Variants in OPCML observed in about 807,000 individuals in gnomAD.
OPCML encodes the protein opioid-binding protein/cell adhesion molecule.
A neutral mutation model predicts 37.8 loss-of-function variants in OPCML; 13 were observed. The observed-to-expected ratio is 0.34, with a 90% CI of 0.22 to 0.55. The LOEUF (loss-of-function observed/expected upper bound fraction) is 0.55, where lower values mean the gene tolerates loss of function less well. Ranked by LOEUF, OPCML falls within the 20% of genes least tolerant of loss-of-function variation. The pLI is 0.91. For synonymous variants in OPCML, 176 were observed against 168.8 expected, an observed-to-expected ratio of 1.04 and a Z score of -0.33; for missense variants, 341 against 435.6, an observed-to-expected ratio of 0.78 and a Z score of 1.93.
chr11:132,796,139 C>G (rs916077444), intron 2 of OPCML, among the ~76,000 whole-genome samples: 7 of 152,146 alleles, frequency 4.6e-5, no homozygotes, highest in African/African-American at 1.7e-4. Context: ...CATTTTATAT[C>G]AAGAACTTGA....
chr11:132,690,102 C>A (rs1257241425), intron 2 of OPCML, among the ~76,000 whole-genome samples: 1 of 152,080 alleles, frequency 6.6e-6, no homozygotes, highest in East Asian at 1.9e-4. Context: ...AGATCAGGTT[C>A]TTTGTCTTTT....
At chr11:132,784,192 C>T (rs1947127317) in intron 2 of OPCML, among the ~76,000 whole-genome samples, 1 of 152,196 alleles carries the variant, frequency 6.6e-6, no homozygotes, top group Non-Finnish European at 1.5e-5. Context: ...TGTAGGAAGT[C>T]AGACTGCTAC....
chr11:133,328,342 G>A (rs922602654), intron 1 of OPCML, among the ~76,000 whole-genome samples: 8 of 152,038 alleles, frequency 5.3e-5, no homozygotes, highest in African/African-American at 1.9e-4. Flanking sequence ...ATTTTTAGTA[G>A]AGATGGGGTT....
chr11:133,296,430 G>A (rs952061503), intron 1 of OPCML, among the ~76,000 whole-genome samples: 6 of 152,152 alleles, frequency 3.9e-5, no homozygotes, highest in African/African-American at 1.2e-4. Context: ...CATGATTCTG[G>A]AAGCCCGCTC....
chr11:132,994,413 G>A (rs944828418), intron 1 of OPCML, among the ~76,000 whole-genome samples: 1 of 152,234 alleles, frequency 6.6e-6, no homozygotes, highest in Non-Finnish European at 1.5e-5. Context: ...CTGGGGAAAA[G>A]GGGCGGCCTC....
intron 1 of OPCML, among the ~76,000 whole-genome samples, chr11:132,994,053 G>A (rs1330611363): frequency 6.6e-6 from 1 of 152,222 alleles, no homozygotes; most frequent in Non-Finnish European, 1.5e-5. Context: ...CAGTGATTAC[G>A]TTCATCAGGA....
rs556950272 is a variant in OPCML, at chr11:132,600,385, G to A, written c.379+56702C>T. Among the ~76,000 whole-genome samples, 146 of 152,304 alleles carry A rather than the reference G, an allele frequency of 9.6e-4. 3 individuals carry two copies. In the South Asian group the frequency reaches 0.029, roughly 31 times the overall value. On this transcript the variant is annotated intron_variant, in intron 3 of 7. Coordinates refer to ENST00000524381, the MANE Select transcript of OPCML (RefSeq NM_001012393.5). ...ATAGTCTTCACGTAGGCCTAAATAC[G>A]AAGGGACCAAAGGCCAGCATGGGTC... is the stretch of plus-strand genomic sequence containing the variant.
intron 1 of OPCML, among the ~76,000 whole-genome samples, chr11:133,336,566 C>G (rs77755039): frequency 0.016 from 2,385 of 152,182 alleles, 27 homozygotes; most frequent in African/African-American, 0.035. Flanking sequence ...TTAAATGAGA[C>G]AAGAAATAGA....
intron 1 of OPCML, among the ~76,000 whole-genome samples, chr11:133,458,849 A>ACGTGTGTGTGTATATACACATAGATGCC: frequency 6.6e-6 from 1 of 150,640 alleles, no homozygotes; most frequent in Admixed American, 6.6e-5. Context: ...ACATAGATGC[A>ACGTGTGTGTGTATATACACATAGATGCC]CGTGTGTGTG....
At chr11:132,879,022 G>A (rs1943128837) in intron 2 of OPCML, among the ~76,000 whole-genome samples, 1 of 152,202 alleles carries the variant, frequency 6.6e-6, no homozygotes, top group African/African-American at 2.4e-5. Context: ...TAGATGACAA[G>A]AAGTATTAGA....
chr11:132,582,333 G>T (rs375560088), intron 3 of OPCML, among the ~76,000 whole-genome samples: 1 of 151,814 alleles, frequency 6.6e-6, no homozygotes, highest in African/African-American at 2.4e-5. Context: ...CAAGTTGAAG[G>T]TCAAACAATA....
chr11:133,521,195 C>T (rs1320567821), intron 1 of OPCML, among the ~76,000 whole-genome samples: 2 of 152,088 alleles, frequency 1.3e-5, no homozygotes, highest in Non-Finnish European at 2.9e-5. Context: ...GGTCCACTTG[C>T]GAATTAGGCA....
chr11:133,128,894 A>G (rs1949561305), intron 1 of OPCML, among the ~76,000 whole-genome samples: 1 of 152,156 alleles, frequency 6.6e-6, no homozygotes, highest in Non-Finnish European at 1.5e-5. Flanking sequence ...GCTTCTGGCC[A>G]AAGTGCAGTA....
chr11:132,702,777 A>C (rs1943880050), intron 2 of OPCML, among the ~76,000 whole-genome samples: 1 of 151,894 alleles, frequency 6.6e-6, no homozygotes, highest in Non-Finnish European at 1.5e-5. Flanking sequence ...CCTCTACTTC[A>C]AATGACATGA....
At chr11:132,974,209 CTAAAT>C (rs564788777) in intron 1 of OPCML, among the ~76,000 whole-genome samples, 35 of 152,306 alleles carry the variant, frequency 2.3e-4, no homozygotes, top group African/African-American at 8.4e-4. Flanking sequence ...ACAACATAAA[CTAAAT>C]TAACTTTTTA....
chr11:132,661,759 A>C (rs1009829499), intron 2 of OPCML, among the ~76,000 whole-genome samples: 14 of 152,232 alleles, frequency 9.2e-5, no homozygotes, highest in African/African-American at 3.1e-4. Context: ...TAACCTCTAA[A>C]ATTATATATT....
intron 1 of OPCML, among the ~76,000 whole-genome samples, chr11:133,384,866 T>C (rs4275637): frequency 0.73 from 111,780 of 152,176 alleles, 41,272 homozygotes; most frequent in East Asian, 0.88. Context: ...TGGACATGAG[T>C]GGTAGCTGCA....
At chr11:133,067,075 G>A (rs1476640865) in intron 1 of OPCML, 6 of 152,130 alleles carry the variant, frequency 3.9e-5, no homozygotes, top group African/African-American at 1.2e-4. Context: ...ATGAAAACTG[G>A]TGCGAAGGAA....
At chr11:133,027,391 T>C (rs957046710) in intron 1 of OPCML, among the ~76,000 whole-genome samples, 1 of 152,182 alleles carries the variant, frequency 6.6e-6, no homozygotes, top group African/African-American at 2.4e-5. Context: ...AGAAGGTACT[T>C]ACCATAGACA....
Sources: gnomAD v4.1 joint callset for allele counts (sites outside exome capture counted in the v4.1 genomes callset) on GRCh38, gnomAD v4.1.1 for gene constraint, MANE v1.5 for transcripts, NCBI Gene and HGNC (gene_info 2026-07-23, HGNC 2026-07-21) for gene names.